The following CSGALNACT1 variants were observed in gnomAD, a reference collection of about 807,000 sequenced individuals.
CSGALNACT1 encodes beta4GalNAcT-1.
A neutral mutation model predicts 51.0 loss-of-function variants in CSGALNACT1; 52 were observed. The observed-to-expected ratio is 1.02, with a 90% CI of 0.82 to 1.29. The LOEUF (loss-of-function observed/expected upper bound fraction) is 1.29. CSGALNACT1 is among the 50% of genes most tolerant of loss of function. The pLI is 0.00. For synonymous variants in CSGALNACT1, 341 were observed against 254.4 expected (o/e 1.34, Z -3.24); for missense variants, 935 against 679.2 (o/e 1.38, Z -4.19).
At chr8:19,636,147 A>G (rs572673096) in intron 1 of CSGALNACT1, among the ~76,000 whole-genome samples, 83 of 148,276 alleles carry the variant, frequency 5.6e-4, no homozygotes, top group African/African-American at 2.2e-3. Context: ...CAGGTTAACC[A>G]TGGTCAGTAA....
At chr8:19,649,943 G>A (rs2057651291) in intron 1 of CSGALNACT1, among the ~76,000 whole-genome samples, 1 of 146,942 alleles carries the variant, frequency 6.8e-6, no homozygotes, top group South Asian at 2.2e-4. Context: ...CATAACATAT[G>A]AAACCACATC....
intron 3 of CSGALNACT1, among the ~76,000 whole-genome samples, chr8:19,561,857 A>G (rs1212718229): frequency 6.6e-6 from 1 of 152,190 alleles, no homozygotes; most frequent in African/African-American, 2.4e-5. Flanking sequence ...CAGGAGGGTA[A>G]GAGGTAAGAG....
chr8:19,446,627 C>T (rs926099400), intron 5 of CSGALNACT1, among the ~76,000 whole-genome samples: 2 of 152,150 alleles, frequency 1.3e-5, no homozygotes, highest in African/African-American at 4.8e-5. Context: ...GATCCTCCCA[C>T]CCTAACTTCC....
chr8:19,620,470 C>G (rs939165159), intron 1 of CSGALNACT1, among the ~76,000 whole-genome samples: 5 of 150,152 alleles, frequency 3.3e-5, no homozygotes, highest in Admixed American at 6.6e-5. Flanking sequence ...GCTCTGTTGC[C>G]CAGGCTGGCT....
chr8:19,470,612 C>T (rs929889899), intron 4 of CSGALNACT1, among the ~76,000 whole-genome samples: 1 of 152,000 alleles, frequency 6.6e-6, no homozygotes, highest in Non-Finnish European at 1.5e-5. Context: ...TGGGCATGAG[C>T]GGGGCAGGAG....
intron 1 of CSGALNACT1, among the ~76,000 whole-genome samples, chr8:19,670,650 CAAAAAAAAAAA>C (rs752256046): frequency 2.5e-4 from 23 of 92,844 alleles, no homozygotes; most frequent in Middle Eastern, 9.1e-3. Context: ...CTACTGAAGA[CAAAAAAAAAAA>C]AAAAAAAAAA....
At chr8:19,408,462 G>C in intron 9 of CSGALNACT1, 151 bp downstream of exon 8, 1 of 667,356 alleles carries the variant, frequency 1.5e-6, no homozygotes, top group Non-Finnish European at 2.5e-6. Flanking sequence ...ACCTAGTCTG[G>C]AATAGCTTTT....
chr8:19,415,799 TC>T (rs1390658052), intron 8 of CSGALNACT1, among the ~76,000 whole-genome samples: 1 of 152,194 alleles, frequency 6.6e-6, no homozygotes, highest in Non-Finnish European at 1.5e-5. Flanking sequence ...AAATCCTATA[TC>T]CTGTTTCCCT....
intron 3 of CSGALNACT1, among the ~76,000 whole-genome samples, chr8:19,511,495 C>A (rs1221816693): frequency 6.6e-6 from 1 of 152,212 alleles, no homozygotes; most frequent in East Asian, 1.9e-4. Context: ...TCAGAGTTTT[C>A]AAATGCTCTC....
intron 1 of CSGALNACT1, among the ~76,000 whole-genome samples, chr8:19,675,963 C>T (rs1178100354): frequency 1.3e-5 from 2 of 151,944 alleles, no homozygotes; most frequent in Admixed American, 6.6e-5. Context: ...TCAGGACAGA[C>T]CCAAAGTGGA....
At chr8:19,684,930 C>T (rs1322935712), upstream of CSGALNACT1, among the ~76,000 whole-genome samples, 1 of 152,180 alleles carries the variant, frequency 6.6e-6, no homozygotes, top group African/African-American at 2.4e-5. Context: ...TTTCAGGCTC[C>T]ACAAAACCTG....
chr8:19,432,932 T>C (rs550439734), intron 6 of CSGALNACT1, among the ~76,000 whole-genome samples: 4 of 152,318 alleles, frequency 2.6e-5, no homozygotes, highest in Admixed American at 1.3e-4. Flanking sequence ...CTAAGCTTCT[T>C]TAAGGACAAG....
intron 1 of CSGALNACT1, among the ~76,000 whole-genome samples, chr8:19,648,278 A>T (rs1046185079): frequency 6.6e-6 from 1 of 152,200 alleles, no homozygotes; most frequent in Non-Finnish European, 1.5e-5. Flanking sequence ...TATTTTTACT[A>T]TTGCTGAACA....
chr8:19,549,157 G>C (rs911683083), intron 3 of CSGALNACT1, among the ~76,000 whole-genome samples: 5 of 151,766 alleles, frequency 3.3e-5, no homozygotes, highest in Non-Finnish European at 7.4e-5. Flanking sequence ...GTATCCCAGT[G>C]TGGAAGATCA....
In CSGALNACT1 at chr8:19,462,278, T is replaced by G. The variant is rs1438350618; in HGVS notation, c.635-3636A>C. 3.3e-5 allele frequency among the ~76,000 whole-genome samples: 5 copies of G among 152,244 alleles called. No individual in the cohort carries two copies. In the East Asian group the frequency reaches 9.6e-4, roughly 29 times the overall value. On this transcript the variant is annotated intron_variant, in intron 4 of 9. Transcript: ENST00000454498. ...TCAGTAGCATAACTTCTCCACACAG[T>G]CATAAACACAGAAAATGCAGCTGAC...
intron 1 of CSGALNACT1, among the ~76,000 whole-genome samples, chr8:19,623,332 CTG>C (rs1173607789): frequency 6.6e-6 from 1 of 152,132 alleles, no homozygotes; most frequent in African/African-American, 2.4e-5. Context: ...ATACCTTTCT[CTG>C]GGGTTCACAG....
intron 3 of CSGALNACT1, among the ~76,000 whole-genome samples, chr8:19,581,721 G>A (rs1564138950): frequency 6.6e-6 from 1 of 152,188 alleles, no homozygotes; most frequent in Non-Finnish European, 1.5e-5. Context: ...CAGCTACAGA[G>A]TATCAGCAAC....
Position 19,564,192 on chromosome 8 carries a change from T to C in CSGALNACT1, c.-297+26968A>G, listed in dbSNP as rs367801899. Reference sequence around the variant, plus strand: ...AACCAGGTCATATCACTCCCTACTTTAAAGGACTTTAAAGACAACCCGTTG... The same window carrying C: ...AACCAGGTCATATCACTCCCTACTTCAAAGGACTTTAAAGACAACCCGTTG... On this transcript the variant is annotated intron_variant, in intron 3 of 9. Transcript: ENST00000454498. 2.6e-4 allele frequency among the ~76,000 whole-genome samples: 39 copies of C among 152,318 alleles called. 2 individuals are homozygous for C. The East Asian group carries it at 4.0e-3, about 16-fold the overall frequency.
At chr8:19,647,406 G>T (rs569027118) in intron 1 of CSGALNACT1, among the ~76,000 whole-genome samples, 3 of 152,300 alleles carry the variant, frequency 2.0e-5, no homozygotes, top group African/African-American at 7.2e-5. Context: ...GACAGAGCAA[G>T]ATCCTCTCTC....
Sources: gnomAD v4.1 joint callset for allele counts (sites outside exome capture counted in the v4.1 genomes callset) on GRCh38, gnomAD v4.1.1 for gene constraint, MANE v1.5 for transcripts, NCBI Gene and HGNC (gene_info 2026-07-23, HGNC 2026-07-21) for gene names.